Variants in CCDC171 observed in about 807,000 individuals in gnomAD.
CCDC171 encodes coiled-coil domain-containing protein 171.
A neutral mutation model predicts 168.2 loss-of-function variants in CCDC171; 177 were observed. That is an observed-to-expected ratio of 1.05 (90% CI 0.93 to 1.19). The LOEUF is 1.19. CCDC171 is among the 50% of genes most tolerant of loss of function. The probability of loss-of-function intolerance (pLI) is 0.00; values close to 1 mark genes in which losing one functional copy is unlikely to be tolerated. For synonymous variants in CCDC171, 687 were observed against 540.8 expected, an observed-to-expected ratio of 1.27 and a Z score of -3.75; for missense variants, 1,991 against 1,539.0, an observed-to-expected ratio of 1.29 and a Z score of -4.91.
intron 4 of CCDC171, among the ~76,000 whole-genome samples, chr9:15,579,354 T>G (rs2040932594): frequency 6.6e-6 from 1 of 152,200 alleles, no homozygotes; most frequent in Non-Finnish European, 1.5e-5. Flanking sequence ...TACTCCAGGC[T>G]CCCCATCACA....
At position 15,821,288 on chromosome 9, in the gene CCDC171, G is replaced by A. The variant is rs1270590409; in HGVS notation, c.3268-25414G>A. On this transcript the variant is annotated intron_variant, in intron 21 of 25. Coordinates refer to ENST00000380701, the MANE Select transcript of CCDC171 (RefSeq NM_173550.4). ...TTGAAAACTGGCACAAGACAGGGAT[G>A]CCCTCTCTCACCACTCCTATTCAAC... 5.1e-5 allele frequency among the ~76,000 whole-genome samples: 6 copies of A among 117,150 alleles called. 2 individuals carry two copies. Among genetic ancestry groups the A allele is most frequent in the Non-Finnish European group, 9.6e-5 (5 of 52,264 alleles). 76.9% of individuals were successfully genotyped at this position (117,150 alleles called of 152,430 possible). A position where few individuals can be genotyped will look rare whatever the true frequency, so the allele number is the denominator to read the frequency against.
In CCDC171 at chr9:15,967,868, A is replaced by T. The variant is rs570998000; in HGVS notation, c.3754-3741A>T. Among the ~76,000 whole-genome samples, 5 of 152,358 alleles carry T rather than the reference A, an allele frequency of 3.3e-5. No homozygotes were observed. The South Asian group carries it at 1.0e-3, about 32-fold the overall frequency. ...TGATCATAAATGTTACACAGGAGAC[A>T]AATGGCTTAGTTTCAGAAGCCTTGG... On this transcript the variant is annotated intron_variant, in intron 25 of 25. Transcript: ENST00000380701.
chr9:15,874,429 A>T (rs1817573156), intron 23 of CCDC171, 103 bp from the exon 24 acceptor site: 4 of 887,728 alleles, frequency 4.5e-6, no homozygotes, highest in Middle Eastern at 3.7e-4. Flanking sequence ...TTTCAGGTCC[A>T]GCGATCAATG....
At chr9:15,791,194 G>T (rs2058241306) in intron 21 of CCDC171, among the ~76,000 whole-genome samples, 2 of 152,158 alleles carry the variant, frequency 1.3e-5, no homozygotes, top group Non-Finnish European at 2.9e-5. Context: ...GGGCGGTATG[G>T]CCATTTTCAC....
chr9:15,652,593 G>A (rs914642718), intron 7 of CCDC171, among the ~76,000 whole-genome samples: 5 of 151,896 alleles, frequency 3.3e-5, no homozygotes, highest in African/African-American at 1.2e-4. Context: ...ACCACACTTG[G>A]CTAATTTTTG....
chr9:15,647,702 G>C (rs1477927972), intron 7 of CCDC171, among the ~76,000 whole-genome samples: 1 of 152,140 alleles, frequency 6.6e-6, no homozygotes, highest in South Asian at 2.1e-4. Context: ...ACCAGGAAGA[G>C]GTTGAATCCC....
chr9:15,819,060 T>A (rs532679845), intron 21 of CCDC171, among the ~76,000 whole-genome samples: 1,456 of 116,360 alleles, frequency 0.013, 407 homozygotes, highest in African/African-American at 0.045. Context: ...AAGAAAAGAA[T>A]TTTCAACCCA....
At chr9:15,901,454 TG>T (rs1042932006) in intron 24 of CCDC171, among the ~76,000 whole-genome samples, 3 of 152,212 alleles carry the variant, frequency 2.0e-5, no homozygotes, top group African/African-American at 7.2e-5. Context: ...AGAGCATGTA[TG>T]GGAACTCTCT....
chr9:16,018,641 G>A (rs958902154), intron 3 of CCDC171, among the ~76,000 whole-genome samples: 2 of 152,150 alleles, frequency 1.3e-5, no homozygotes, highest in African/African-American at 2.4e-5. Flanking sequence ...ATAATTCCAG[G>A]GTTCACTGAT....
chr9:15,662,893 A>G (rs1243496960), intron 8 of CCDC171, among the ~76,000 whole-genome samples: 1 of 152,130 alleles, frequency 6.6e-6, no homozygotes, highest in African/African-American at 2.4e-5. Flanking sequence ...AGGCAGGGGA[A>G]TCGCTTGAAT....
At chr9:15,701,231 A>G (rs940702144) in intron 11 of CCDC171, among the ~76,000 whole-genome samples, 4 of 152,228 alleles carry the variant, frequency 2.6e-5, no homozygotes, top group Admixed American at 2.0e-4. Flanking sequence ...GCTGGGCAGA[A>G]GCTATGTAGT....
intron 22 of CCDC171, 79 bp from the exon 23 acceptor site, chr9:15,848,814 C>T (rs1588836306): frequency 1.4e-6 from 1 of 697,886 alleles, no homozygotes; most frequent in East Asian, 3.0e-5. Flanking sequence ...TTTTTTAATA[C>T]CAGTGACTTA....
chr9:15,765,433 G>C (rs1158404443), intron 18 of CCDC171, among the ~76,000 whole-genome samples: 3 of 152,140 alleles, frequency 2.0e-5, no homozygotes, highest in Admixed American at 2.0e-4. Flanking sequence ...TGATGAAAGG[G>C]ATGGGATCCA....
intron 10 of CCDC171, among the ~76,000 whole-genome samples, chr9:15,691,578 A>G (rs1162363418): frequency 2.1e-5 from 3 of 144,822 alleles, no homozygotes; most frequent in Non-Finnish European, 4.5e-5. Flanking sequence ...ATATGTACAC[A>G]TAAACTTGGT....
At chr9:15,904,426 T>G (rs1362732627) in intron 24 of CCDC171, among the ~76,000 whole-genome samples, 1 of 151,960 alleles carries the variant, frequency 6.6e-6, no homozygotes, top group East Asian at 1.9e-4. Context: ...CAAACTAAGC[T>G]TCATAAGTGA....
At chr9:15,865,313 G>A (rs1427233649) in intron 23 of CCDC171, among the ~76,000 whole-genome samples, 1 of 151,766 alleles carries the variant, frequency 6.6e-6, no homozygotes, top group Non-Finnish European at 1.5e-5. Flanking sequence ...AGTAGCCTCT[G>A]GGGAAACAAA....
downstream of CCDC171, among the ~76,000 whole-genome samples, chr9:16,063,929 T>C (rs572246669): frequency 1.3e-4 from 20 of 152,350 alleles, no homozygotes; most frequent in Admixed American, 2.6e-4. Context: ...TCCAATTTTC[T>C]GTCCGACAAT....
chr9:15,983,817 A>AGT (rs58951910), intron 3 of CCDC171, among the ~76,000 whole-genome samples: 39,602 of 141,366 alleles, frequency 0.28, 6,620 homozygotes, highest in East Asian at 0.47. Flanking sequence ...AAATAAAGAG[A>AGT]GTGTGTGTGT....
chr9:15,837,154 T>A (rs529575918), intron 21 of CCDC171, among the ~76,000 whole-genome samples: 1 of 152,302 alleles, frequency 6.6e-6, no homozygotes, highest in Admixed American at 6.5e-5. Context: ...TATTATGCTG[T>A]TTGTTGTTTA....
Sources: allele counts gnomAD v4.1 joint callset (sites outside exome capture counted in the v4.1 genomes callset), GRCh38; gene constraint gnomAD v4.1.1; transcripts MANE v1.5; gene names NCBI Gene and HGNC (gene_info 2026-07-23, HGNC 2026-07-21).